Variants in GRM1 observed in about 807,000 individuals in gnomAD.
The protein encoded by GRM1 is metabotropic glutamate receptor 1.
In GRM1, 33 loss-of-function variants were observed where a neutral mutation model predicts 90.9. That is an observed-to-expected ratio of 0.36 (90% CI 0.28 to 0.49). GRM1 has a LOEUF of 0.49. Ranked by LOEUF, GRM1 falls within the 20% of genes least tolerant of loss-of-function variation. The pLI is 0.99. For synonymous variants in GRM1, 700 were observed against 613.2 expected, an observed-to-expected ratio of 1.14 and a Z score of -2.09; for missense variants, 1,190 against 1,534.3, an observed-to-expected ratio of 0.78 and a Z score of 3.75.
intron 1 of GRM1, among the ~76,000 whole-genome samples, chr6:146,104,951 G>A (rs1016449912): frequency 5.3e-5 from 8 of 152,170 alleles, no homozygotes; most frequent in Non-Finnish European, 1.2e-4. Context: ...TAAGGAGAGA[G>A]GGGGTAATGA....
chr6:146,436,165 T>C lies in GRM1; in HGVS notation c.*1369T>C, dbSNP rs183275925. 3.3e-5 allele frequency: 5 copies of C among 152,790 alleles called. No homozygotes were observed. Among genetic ancestry groups the C allele is most frequent in the African/African-American group, 1.2e-4 (5 of 41,592 alleles). 9.5% of individuals were successfully genotyped at this position (152,790 alleles called of 1,614,324 possible). On this transcript the variant is annotated 3_prime_UTR_variant, in exon 8 of 8. Coordinates refer to ENST00000282753, the MANE Select transcript of GRM1 (RefSeq NM_001278064.2). ...TATTTTTTATGTTCCAATAATGTTT[T>C]GTACATCATTGTCATCAATATCTAC...
At chr6:146,035,407 T>C (rs1467889651) in intron 1 of GRM1, among the ~76,000 whole-genome samples, 1 of 152,018 alleles carries the variant, frequency 6.6e-6, no homozygotes, top group Non-Finnish European at 1.5e-5. Flanking sequence ...AGCCAGATAT[T>C]GTTACGAGAT....
chr6:146,224,140 T>C (rs1780161378), intron 2 of GRM1, among the ~76,000 whole-genome samples: 1 of 152,242 alleles, frequency 6.6e-6, no homozygotes, highest in South Asian at 2.1e-4. Flanking sequence ...TTACAAATTG[T>C]TAATTCAAGT....
chr6:146,356,465 A>G (rs1347618393), intron 4 of GRM1, among the ~76,000 whole-genome samples: 1 of 152,132 alleles, frequency 6.6e-6, no homozygotes, highest in Admixed American at 6.5e-5. Context: ...AATCTCATTC[A>G]TGAGAACTTT....
At chr6:146,033,938 A>G (rs1790795378) in intron 1 of GRM1, among the ~76,000 whole-genome samples, 1 of 152,104 alleles carries the variant, frequency 6.6e-6, no homozygotes, top group Admixed American at 6.6e-5. Context: ...AACTTTCTAT[A>G]TATCTTTCTT....
At chr6:146,076,124 A>T (rs1175799278) in intron 1 of GRM1, among the ~76,000 whole-genome samples, 7 of 152,148 alleles carry the variant, frequency 4.6e-5, no homozygotes, top group African/African-American at 1.7e-4. Flanking sequence ...GGAGCTGAAG[A>T]GGGTGCATGA....
intron 7 of GRM1, among the ~76,000 whole-genome samples, chr6:146,431,656 A>G (rs1778411856): frequency 6.6e-6 from 1 of 152,202 alleles, no homozygotes; most frequent in Admixed American, 6.5e-5. Context: ...ATTTTGTTTA[A>G]GCATTTTCCT....
intron 5 of GRM1, among the ~76,000 whole-genome samples, chr6:146,361,236 AG>A (rs1775456715): frequency 6.6e-6 from 1 of 152,184 alleles, no homozygotes; most frequent in African/African-American, 2.4e-5. Flanking sequence ...TCAAAGGGAG[AG>A]AGAGACAGCA....
intron 1 of GRM1, among the ~76,000 whole-genome samples, chr6:146,051,281 A>T (rs1791513171): frequency 6.6e-6 from 1 of 152,064 alleles, no homozygotes; most frequent in Admixed American, 6.6e-5. Context: ...AAAATACATA[A>T]ACATACACAC....
chr6:146,223,920 T>G (rs138084792), intron 2 of GRM1, among the ~76,000 whole-genome samples: 2 of 152,224 alleles, frequency 1.3e-5, no homozygotes, highest in African/African-American at 4.8e-5. Flanking sequence ...TGTTTTCATG[T>G]AGTATTAACA....
chr6:146,302,056 G>T (rs137998835), intron 2 of GRM1, among the ~76,000 whole-genome samples: 1 of 151,796 alleles, frequency 6.6e-6, no homozygotes, highest in African/African-American at 2.4e-5. Context: ...CACCCCCATC[G>T]CATGCCATAC....
chr6:146,431,317 C>T (rs921788561), intron 7 of GRM1, among the ~76,000 whole-genome samples: 2 of 152,208 alleles, frequency 1.3e-5, no homozygotes, highest in South Asian at 2.1e-4. Context: ...TAAAACAGAA[C>T]TAAATTCTGA....
intron 1 of GRM1, among the ~76,000 whole-genome samples, chr6:146,076,774 T>C (rs967262960): frequency 6.6e-5 from 10 of 152,138 alleles, no homozygotes; most frequent in African/African-American, 2.2e-4. Flanking sequence ...TCTTGCTAGA[T>C]AGTATTTGTG....
At chr6:146,049,598 A>G (rs1029534727) in intron 1 of GRM1, among the ~76,000 whole-genome samples, 11 of 140,090 alleles carry the variant, frequency 7.9e-5, no homozygotes, top group African/African-American at 2.8e-4. Context: ...TTACTGTGGA[A>G]CTTCTCAACC....
At chr6:146,409,183 C>T (rs1043191332) in intron 7 of GRM1, among the ~76,000 whole-genome samples, 2 of 152,142 alleles carry the variant, frequency 1.3e-5, no homozygotes, top group African/African-American at 2.4e-5. Context: ...CCTCCTGTCT[C>T]GCCCTATGCC....
intron 3 of GRM1, among the ~76,000 whole-genome samples, chr6:146,306,093 TG>T (rs1379558971): frequency 6.6e-6 from 1 of 152,214 alleles, no homozygotes; most frequent in Admixed American, 6.5e-5. Context: ...AATGGGAAAT[TG>T]CCTGGTATGG....
intron 2 of GRM1, among the ~76,000 whole-genome samples, chr6:146,263,104 C>A (rs1405569119): frequency 1.3e-5 from 2 of 151,844 alleles, no homozygotes; most frequent in Non-Finnish European, 2.9e-5. Flanking sequence ...CAGTATTTCC[C>A]CTTCTTGACT....
rs1269448148 is a variant in GRM1 at position 146,159,396 on chromosome 6, AG to A, written c.751del (p.Glu251LysfsTer44). 1 of 1,614,202 alleles carries A rather than the reference AG, an allele frequency of 6.2e-7. No homozygotes were observed. Among genetic ancestry groups the A allele is most frequent in the East Asian group, 2.2e-5 (1 of 44,878 alleles). ...GMDAFKELAAQEGLCIAHSDK... is the reference protein window; with the variant it reads ...GMDAFKELAAXEGLCIAHSDK... The stretch of plus-strand genomic sequence containing the variant: ...GACGCTTTCAAAGAGCTGGCTGCCC[AG>A]GAAGGCCTCTGTATCGCCCATTCTG... On this transcript the variant is annotated frameshift_variant, in exon 2 of 8. Transcript: ENST00000282753. LOFTEE classifies it high-confidence loss of function.
At chr6:146,313,098 C>A (rs1583309953) in intron 3 of GRM1, among the ~76,000 whole-genome samples, 1 of 152,136 alleles carries the variant, frequency 6.6e-6, no homozygotes, top group Non-Finnish European at 1.5e-5. Flanking sequence ...GTAGCAGATA[C>A]AGACTTGAGG....
Sources: allele counts gnomAD v4.1 joint callset (sites outside exome capture counted in the v4.1 genomes callset), GRCh38; gene constraint gnomAD v4.1.1; transcripts MANE v1.5; gene names NCBI Gene and HGNC (gene_info 2026-07-23, HGNC 2026-07-21).